The following NPFFR2 variants were observed in gnomAD, a reference collection of about 807,000 sequenced individuals.
NPFFR2 encodes G-protein coupled receptor 74.
NPFFR2 carries 15 observed loss-of-function variants against 13.1 expected under a neutral mutation model. That is an observed-to-expected ratio of 1.15 (90% CI 0.77 to 1.76). The LOEUF (loss-of-function observed/expected upper bound fraction) is 1.76. Ranked by LOEUF, NPFFR2 falls within the 40% of genes most tolerant of loss-of-function variation. The pLI, the probability that NPFFR2 is intolerant of heterozygous loss-of-function variation, is 0.00. For missense variants in NPFFR2, 572 were observed against 503.5 expected (o/e 1.14, Z -1.30); for synonymous variants, 190 against 175.7 (o/e 1.08, Z -0.65).
At chr4:72,068,759 G>T (rs1001557155) in intron 1 of NPFFR2, among the ~76,000 whole-genome samples, 1 of 151,690 alleles carries the variant, frequency 6.6e-6, no homozygotes, top group African/African-American at 2.4e-5. Flanking sequence ...AGGTGAGACC[G>T]CATAGAATAA....
chr4:72,033,503 T>C (rs1198705279), intron 1 of NPFFR2, among the ~76,000 whole-genome samples: 1 of 152,188 alleles, frequency 6.6e-6, no homozygotes, highest in African/African-American at 2.4e-5. Flanking sequence ...TATATCATTA[T>C]CCTATTCTTT....
rs766239672 is a variant in NPFFR2, at chr4:72,117,935, ATG to A, written c.-7-10649_-7-10648del. 2.7e-3 allele frequency among the ~76,000 whole-genome samples: 417 copies of A among 152,302 alleles called. 2 individuals carry two copies. Among genetic ancestry groups the A allele is most frequent in the Non-Finnish European group, 4.9e-3 (332 of 68,002 alleles). On this transcript the variant is annotated intron_variant, in intron 1 of 3. Transcript: ENST00000308744. ...TGGTAGCACTAGCCCTAAACACAAT[ATG>A]AGTAAGGTAACAAAAAAGTAACCTG...
chr4:72,121,908 C>T (rs922344412), intron 1 of NPFFR2, among the ~76,000 whole-genome samples: 1 of 152,058 alleles, frequency 6.6e-6, no homozygotes, highest in Non-Finnish European at 1.5e-5. Flanking sequence ...TCAATATTAA[C>T]CTTAAATGTA....
chr4:72,068,780 C>A (rs1396044061), intron 1 of NPFFR2: 1 of 340,738 alleles, frequency 2.9e-6, no homozygotes, highest in African/African-American at 2.1e-5. Context: ...CGGTTCTATG[C>A]TAGAGAATAG....
At chr4:72,076,670 A>G (rs535173028) in intron 1 of NPFFR2, among the ~76,000 whole-genome samples, 1 of 152,126 alleles carries the variant, frequency 6.6e-6, no homozygotes, top group African/African-American at 2.4e-5. Context: ...TTTCTTCAGG[A>G]TGATTAAGAG....
chr4:72,094,407 T>C (rs1341229456), intron 1 of NPFFR2, among the ~76,000 whole-genome samples: 1 of 152,124 alleles, frequency 6.6e-6, no homozygotes, highest in Non-Finnish European at 1.5e-5. Context: ...TGTGGGGCCA[T>C]GGAGCTCCCA....
At chr4:72,084,944 C>T (rs1720724586) in intron 1 of NPFFR2, among the ~76,000 whole-genome samples, 1 of 152,040 alleles carries the variant, frequency 6.6e-6, no homozygotes, top group Non-Finnish European at 1.5e-5. Context: ...AATTGCCTCC[C>T]AAATATGGCA....
chr4:72,067,280 C>G (rs543518171), intron 1 of NPFFR2, among the ~76,000 whole-genome samples: 7 of 151,732 alleles, frequency 4.6e-5, no homozygotes, highest in Admixed American at 3.9e-4. Flanking sequence ...GAGCACTGTA[C>G]CAGAATATGG....
At chr4:72,066,456 G>A (rs936543294) in intron 1 of NPFFR2, among the ~76,000 whole-genome samples, 1 of 152,004 alleles carries the variant, frequency 6.6e-6, no homozygotes. Flanking sequence ...ACTATTTCTA[G>A]TATCAACTTA....
At chr4:72,138,465 A>T (rs1453915276) in intron 3 of NPFFR2, among the ~76,000 whole-genome samples, 1 of 147,486 alleles carries the variant, frequency 6.8e-6, no homozygotes, top group Non-Finnish European at 1.5e-5. Flanking sequence ...CGTGTGTCCA[A>T]GTGTTCTCAT....
chr4:72,058,018 G>A (rs370518874), intron 1 of NPFFR2, among the ~76,000 whole-genome samples: 40 of 152,096 alleles, frequency 2.6e-4, no homozygotes, highest in African/African-American at 9.2e-4. Flanking sequence ...AGGATGGAGA[G>A]GCTTGGCTAG....
chr4:72,078,946 G>A (rs565182278), intron 1 of NPFFR2, among the ~76,000 whole-genome samples: 6 of 152,086 alleles, frequency 3.9e-5, no homozygotes, highest in South Asian at 2.1e-4. Context: ...GGTGGGAGGT[G>A]GCTGTTGCTA....
At chr4:72,040,048 T>C (rs546850930) in intron 1 of NPFFR2, among the ~76,000 whole-genome samples, 2 of 152,184 alleles carry the variant, frequency 1.3e-5, no homozygotes, top group Non-Finnish European at 2.9e-5. Flanking sequence ...ATTAGTCTTT[T>C]TCTCAATTTA....
In NPFFR2 at chr4:72,128,672, C is replaced by T. The variant is rs1247960045; in HGVS notation, c.81C>T (p.Tyr27=). ...TCAATGACACAAAGCATCATCTGTA[C>T]TCAGATATTAATATTACCTATGTGA... ...WNVNDTKHHL[Y]SDINITYVNY... The change falls in exon 2 of 4, where the codon TAC becomes TAT. Residue 27 remains tyrosine (Y), a synonymous_variant. Transcript: ENST00000308744. 2 of 1,613,116 alleles carry T rather than the reference C, an allele frequency of 1.2e-6. No individual in the cohort carries two copies. Among genetic ancestry groups the T allele is most frequent in the Admixed American group, 3.3e-5 (2 of 60,026 alleles).
At chr4:72,116,737 G>A (rs558385502) in intron 1 of NPFFR2, among the ~76,000 whole-genome samples, 5 of 152,188 alleles carry the variant, frequency 3.3e-5, no homozygotes, top group East Asian at 1.9e-4. Flanking sequence ...ATGGGCATTC[G>A]TTTGATTAAA....
chr4:72,133,249 A>T (rs1722307222), intron 2 of NPFFR2, among the ~76,000 whole-genome samples: 1 of 152,142 alleles, frequency 6.6e-6, no homozygotes, highest in Non-Finnish European at 1.5e-5. Flanking sequence ...ATGATTTATT[A>T]AATAGGGAGT....
intron 1 of NPFFR2, among the ~76,000 whole-genome samples, chr4:72,096,625 C>T (rs1721081081): frequency 6.6e-6 from 1 of 151,960 alleles, no homozygotes; most frequent in South Asian, 2.1e-4. Flanking sequence ...ATCAACCAAG[C>T]CTCTTTTCTT....
intron 1 of NPFFR2, among the ~76,000 whole-genome samples, chr4:72,050,855 T>C (rs1254620033): frequency 1.4e-5 from 2 of 147,882 alleles, no homozygotes; most frequent in East Asian, 4.2e-4. Context: ...TGAGTGAGAA[T>C]ATGCGGTGTT....
chr4:72,125,469 G>A (rs541695259), intron 1 of NPFFR2, among the ~76,000 whole-genome samples: 3 of 152,268 alleles, frequency 2.0e-5, no homozygotes, highest in South Asian at 2.1e-4. Flanking sequence ...CTATTAGTGC[G>A]GTACCAAGTT....
Sources: allele counts gnomAD v4.1 joint callset (sites outside exome capture counted in the v4.1 genomes callset), GRCh38; gene constraint gnomAD v4.1.1; transcripts MANE v1.5; gene names NCBI Gene and HGNC (gene_info 2026-07-23, HGNC 2026-07-21).